Variants in CELF2 observed in about 807,000 individuals in gnomAD.
CELF2 encodes CUGBP Elav-like family member 2.
CELF2 carries 8 observed loss-of-function variants against 62.6 expected under a neutral mutation model. The observed-to-expected ratio is 0.13, with a 90% CI of 0.07 to 0.23. The LOEUF is 0.23. Ranked by LOEUF, CELF2 falls within the 10% of genes least tolerant of loss-of-function variation. The pLI is 1.00. For missense variants in CELF2, 333 were observed against 671.0 expected (o/e 0.50, Z 5.56); for synonymous variants, 258 against 250.0 (o/e 1.03, Z -0.30).
rs1214505336 is a variant in CELF2 at position 11,297,267 on chromosome 10, C to A, written c.976+8715C>A. ...ACATTCCGTGAAATGTGTCCAGCAG[C>A]AGTTGGATGTGTGACCATCAGGCTG... On this transcript the variant is annotated intron_variant, in intron 9 of 12. Transcript: ENST00000633077. This position sits in a 1 kb window ranked among gnomAD's most constrained non-coding sequence, Gnocchi z 4.4. Among the ~76,000 whole-genome samples, 1 of 152,136 alleles carries A rather than the reference C, an allele frequency of 6.6e-6. No individual in the cohort carries two copies. The highest frequency in any genetic ancestry group is 2.4e-5 in the African/African-American group (1 of 41,430).
At chr10:10,498,180 G>T in the CELF2 span, among the ~76,000 whole-genome samples, 1 of 152,206 alleles carries the variant, frequency 6.6e-6, no homozygotes, top group Non-Finnish European at 1.5e-5. Context: ...GAATTGTGGG[G>T]AGGAAAGAGG....
At chr10:10,763,673 G>A in the CELF2 span, among the ~76,000 whole-genome samples, 1 of 152,164 alleles carries the variant, frequency 6.6e-6, no homozygotes, top group Non-Finnish European at 1.5e-5. Flanking sequence ...ACAGAATGAG[G>A]CACGAACGCG....
chr10:11,133,363 A>G (rs2059908306), intron 1 of CELF2, among the ~76,000 whole-genome samples: 1 of 152,168 alleles, frequency 6.6e-6, no homozygotes, highest in Non-Finnish European at 1.5e-5. Flanking sequence ...TCTCTCTCCC[A>G]TTGAATCATT....
the CELF2 span, among the ~76,000 whole-genome samples, chr10:10,538,798 T>G: frequency 1.3e-5 from 2 of 152,252 alleles, no homozygotes; most frequent in African/African-American, 4.8e-5. Context: ...TGTTCTTTGT[T>G]ACACCCACAT....
chr10:10,736,998 A>G, the CELF2 span, among the ~76,000 whole-genome samples: 1 of 152,192 alleles, frequency 6.6e-6, no homozygotes, highest in Non-Finnish European at 1.5e-5. Flanking sequence ...ATTATAAATA[A>G]GTAATTAAAG....
the CELF2 span, among the ~76,000 whole-genome samples, chr10:10,665,901 G>A: frequency 6.6e-6 from 1 of 152,294 alleles, no homozygotes; most frequent in African/African-American, 2.4e-5. Flanking sequence ...ACAATCATCA[G>A]AAGTGGAAGG....
chr10:10,894,080 A>G (rs2062362172), intron 1 of CELF2, among the ~76,000 whole-genome samples: 1 of 152,200 alleles, frequency 6.6e-6, no homozygotes, highest in Admixed American at 6.5e-5. Flanking sequence ...AATTTTAACA[A>G]CAAAAAAAGT....
Position 11,214,903 on chromosome 10 carries a change from G to T in CELF2, c.272-2522G>T, listed in dbSNP as rs942318142. ...ACTAGAAAGTATTTGAGATCTTGGGGATCTTCCCATCTCCCCTTCTGTATG... is the reference window on the plus strand; with the variant it reads ...ACTAGAAAGTATTTGAGATCTTGGGTATCTTCCCATCTCCCCTTCTGTATG... On this transcript the variant is annotated intron_variant, in intron 2 of 12. Coordinates refer to ENST00000633077, the MANE Select transcript of CELF2 (RefSeq NM_001326342.2). The surrounding 1 kb of genome is among the most constrained non-coding windows in gnomAD (Gnocchi z 4.2). Among the ~76,000 whole-genome samples the T allele has an allele frequency of 2.0e-5, 3 of 152,130 alleles. No individual in the cohort carries two copies. The highest frequency in any genetic ancestry group is 4.4e-5 in the Non-Finnish European group (3 of 68,030).
rs569686743 is a variant in CELF2, at chr10:11,165,256, C to T, written c.75-230C>T. On this transcript the variant is annotated intron_variant, in intron 1 of 12. Transcript: ENST00000633077. This position sits in a 1 kb window ranked among gnomAD's most constrained non-coding sequence, Gnocchi z 7.4. ...GCGGCAGGGCGCTGCCCCGTGCTCC[C>T]CCGGCTCTGCTCGACAGCAGCACGC... is the stretch of plus-strand genomic sequence containing the variant. 1.2e-5 allele frequency: 17 copies of T among 1,371,772 alleles called. No individual in the cohort carries two copies. The South Asian group carries it at 2.2e-4, about 18-fold the overall frequency. 85.0% of individuals were successfully genotyped at this position (1,371,772 alleles called of 1,614,324 possible).
the CELF2 span, among the ~76,000 whole-genome samples, chr10:10,549,902 C>G: frequency 6.6e-6 from 1 of 152,148 alleles, no homozygotes; most frequent in Non-Finnish European, 1.5e-5. Flanking sequence ...AGAAGAGTTA[C>G]TGTGTGGGGA....
At chr10:10,703,366 G>A in the CELF2 span, among the ~76,000 whole-genome samples, 3,459 of 152,246 alleles carry the variant, frequency 0.023, 108 homozygotes, top group South Asian at 0.081. Context: ...CTGATTCCAG[G>A]GCACAGGTTT....
chr10:10,979,528 G>T (rs560960980), intron 2 of CELF2, among the ~76,000 whole-genome samples: 1 of 151,852 alleles, frequency 6.6e-6, no homozygotes, highest in Non-Finnish European at 1.5e-5. Flanking sequence ...AAAATTAGCC[G>T]GGCATGGTGG....
intron 1 of CELF2, among the ~76,000 whole-genome samples, chr10:11,108,861 C>A (rs959386742): frequency 3.3e-5 from 5 of 152,210 alleles, no homozygotes; most frequent in African/African-American, 1.2e-4. Flanking sequence ...TACCTGTTCA[C>A]ATCGTATGCA....
At chr10:10,736,396 CT>C in the CELF2 span, among the ~76,000 whole-genome samples, 222 of 75,972 alleles carry the variant, frequency 2.9e-3, 1 homozygote, top group East Asian at 0.011. Flanking sequence ...TTCTTTCTTT[CT>C]TTTTTTTTTT....
chr10:10,927,957 G>C (rs1212853368), intron 2 of CELF2, among the ~76,000 whole-genome samples: 1 of 151,968 alleles, frequency 6.6e-6, no homozygotes, highest in African/African-American at 2.4e-5. Context: ...TCAATGCAAT[G>C]CACTTTGGTT....
At chr10:10,631,683 G>A in the CELF2 span, among the ~76,000 whole-genome samples, 543 of 152,304 alleles carry the variant, frequency 3.6e-3, 2 homozygotes, top group African/African-American at 0.013. Context: ...TTCTTCTTTG[G>A]AAGAGCGTCT....
At chr10:10,793,059 G>A in the CELF2 span, among the ~76,000 whole-genome samples, 19 of 152,300 alleles carry the variant, frequency 1.2e-4, no homozygotes, top group East Asian at 3.7e-3. Flanking sequence ...ACACATACGT[G>A]GACCCCAAAT....
intron 1 of CELF2, among the ~76,000 whole-genome samples, chr10:10,865,172 C>G (rs1223243922): frequency 6.6e-6 from 1 of 152,132 alleles, no homozygotes; most frequent in Non-Finnish European, 1.5e-5. Context: ...TTTTCTCCTG[C>G]TCTCGTAGAA....
At position 11,040,362 on chromosome 10, in the gene CELF2, C is replaced by A. The variant is rs568380734; in HGVS notation, c.74+22199C>A. Among the ~76,000 whole-genome samples the A allele has an allele frequency of 6.8e-4, 103 of 152,186 alleles. 1 individual carries two copies. The highest frequency in any genetic ancestry group is 4.6e-4 in the Admixed American group (7 of 15,276). On this transcript the variant is annotated intron_variant, in intron 1 of 12. Transcript: ENST00000633077. ...GTTTAGTGTTTAATAAGTTCCTAAT[C>A]TGCTATAATAACATCTTCACAGCTG...
Sources: allele counts gnomAD v4.1 joint callset (sites outside exome capture counted in the v4.1 genomes callset), GRCh38; gene constraint gnomAD v4.1.1; non-coding constraint Gnocchi (gnomAD v3.1); transcripts MANE v1.5; gene names NCBI Gene and HGNC (gene_info 2026-07-23, HGNC 2026-07-21).